TUSC3: variants seen among roughly 807,000 people sequenced by gnomAD.
TUSC3 encodes the protein dolichyl-diphosphooligosaccharide--protein glycosyltransferase subunit TUSC3.
A neutral mutation model predicts 44.8 loss-of-function variants in TUSC3; 45 were observed. That is an observed-to-expected ratio of 1.00 (90% CI 0.79 to 1.29). The LOEUF (loss-of-function observed/expected upper bound fraction) is 1.29, where lower values mean the gene tolerates loss of function less well. Among genes scored for constraint, TUSC3 ranks in the 50% most tolerant of loss-of-function variants. The pLI is 0.00. For missense variants in TUSC3, 519 were observed against 437.9 expected (o/e 1.19, Z -1.65); for synonymous variants, 212 against 152.9 (o/e 1.39, Z -2.85).
intron 6 of TUSC3, among the ~76,000 whole-genome samples, chr8:15,703,566 C>T (rs1246170893): frequency 4.6e-5 from 7 of 152,082 alleles, no homozygotes; most frequent in African/African-American, 1.7e-4. Context: ...TTATTTGGGT[C>T]ACCATTCTGC....
At chr8:15,758,510 A>C (rs1812029554) in intron 10 of TUSC3, among the ~76,000 whole-genome samples, 1 of 152,016 alleles carries the variant, frequency 6.6e-6, no homozygotes, top group African/African-American at 2.4e-5. Context: ...ACCAGAGAAC[A>C]CAGGGTCTAG....
At chr8:15,680,503 T>A (rs761534168) in intron 6 of TUSC3, among the ~76,000 whole-genome samples, 4 of 152,146 alleles carry the variant, frequency 2.6e-5, no homozygotes, top group Non-Finnish European at 5.9e-5. Context: ...GTATTTAGGG[T>A]TTTCTAGATA....
the TUSC3 span, among the ~76,000 whole-genome samples, chr8:15,797,203 A>T: frequency 6.6e-6 from 1 of 152,234 alleles, no homozygotes; most frequent in Non-Finnish European, 1.5e-5. Context: ...CAGTTCGCTG[A>T]ACAGCTTTCA....
At chr8:15,666,208 C>T (rs561183684) in intron 5 of TUSC3, among the ~76,000 whole-genome samples, 6 of 151,272 alleles carry the variant, frequency 4.0e-5, no homozygotes, top group African/African-American at 1.4e-4. Flanking sequence ...TCATTTCAAG[C>T]CAGAAAATAT....
intron 2 of TUSC3, among the ~76,000 whole-genome samples, chr8:15,646,062 A>C (rs919932323): frequency 6.6e-6 from 1 of 152,170 alleles, no homozygotes; most frequent in African/African-American, 2.4e-5. Flanking sequence ...ATATGTAATA[A>C]GAACAGCTAT....
chr8:15,525,230 A>G (rs907069963), intron 2 of TUSC3, among the ~76,000 whole-genome samples: 1 of 152,124 alleles, frequency 6.6e-6, no homozygotes, highest in African/African-American at 2.4e-5. Context: ...TCTATACCTA[A>G]GTAAAACTGT....
chr8:15,687,291 T>C (rs542820878), intron 6 of TUSC3, among the ~76,000 whole-genome samples: 1 of 152,280 alleles, frequency 6.6e-6, no homozygotes, highest in Non-Finnish European at 1.5e-5. Context: ...ATACATAATA[T>C]GATATCGGTT....
chr8:15,647,976 G>T (rs1806705825), intron 2 of TUSC3, among the ~76,000 whole-genome samples: 1 of 152,072 alleles, frequency 6.6e-6, no homozygotes, highest in African/African-American at 2.4e-5. Context: ...ATCTCTCCAG[G>T]TTGTTCTTTT....
chr8:15,667,672 A>C (rs354522), intron 5 of TUSC3, among the ~76,000 whole-genome samples: 2 of 151,600 alleles, frequency 1.3e-5, no homozygotes, highest in African/African-American at 2.4e-5. Context: ...CGTGGTCTTA[A>C]TTAAATTTTG....
intron 2 of TUSC3, among the ~76,000 whole-genome samples, 189 bp from the exon 3 acceptor site, chr8:15,650,508 A>G (rs1470907016): frequency 6.6e-6 from 1 of 152,184 alleles, no homozygotes; most frequent in Non-Finnish European, 1.5e-5. Context: ...GAACATCAGA[A>G]TTTGAATTTT....
the TUSC3 span, among the ~76,000 whole-genome samples, chr8:15,779,940 C>A: frequency 5.9e-5 from 9 of 152,284 alleles, no homozygotes; most frequent in Admixed American, 1.3e-4. Flanking sequence ...ACAAAACGAG[C>A]GGTCTTTCTC....
intron 4 of TUSC3, among the ~76,000 whole-genome samples, chr8:15,660,007 C>G (rs1807348802): frequency 6.6e-6 from 1 of 151,902 alleles, no homozygotes; most frequent in African/African-American, 2.4e-5. Flanking sequence ...AAGGTTAATA[C>G]CCACCTTAAA....
chr8:15,755,387 T>A (rs1208078561), intron 9 of TUSC3, among the ~76,000 whole-genome samples: 19 of 152,194 alleles, frequency 1.2e-4, no homozygotes, highest in Non-Finnish European at 2.9e-5. Flanking sequence ...TATAAATATT[T>A]AAATTCATTT....
chr8:15,828,340 CT>C, the TUSC3 span, among the ~76,000 whole-genome samples: 1 of 152,062 alleles, frequency 6.6e-6, no homozygotes, highest in Non-Finnish European at 1.5e-5. Flanking sequence ...TTTTATAAAC[CT>C]AGTTTTATAT....
intron 1 of TUSC3, among the ~76,000 whole-genome samples, chr8:15,448,100 T>C (rs2129119759): frequency 8.7e-6 from 1 of 115,184 alleles, no homozygotes; most frequent in African/African-American, 3.7e-5. Context: ...TGTATGGTAG[T>C]GTATATACAT....
At chr8:15,659,379 C>A in intron 3 of TUSC3, 128 bp from the exon 4 acceptor site, 1 of 1,160,590 alleles carries the variant, frequency 8.6e-7, no homozygotes, top group Non-Finnish European at 1.2e-6. Context: ...CAGAAATTTA[C>A]CTCTGGAAAA....
intron 5 of TUSC3, among the ~76,000 whole-genome samples, chr8:15,666,136 GTA>G (rs1438587089): frequency 6.6e-6 from 1 of 151,406 alleles, no homozygotes; most frequent in Non-Finnish European, 1.5e-5. Flanking sequence ...AGTTAAAATT[GTA>G]TGTTTTGTAG....
At chr8:15,760,774 C>T (rs928363616) in intron 10 of TUSC3, among the ~76,000 whole-genome samples, 4 of 152,166 alleles carry the variant, frequency 2.6e-5, no homozygotes, top group Admixed American at 6.6e-5. Flanking sequence ...AACCTTCTGG[C>T]TCTTTACAGA....
intron 3 of TUSC3, among the ~76,000 whole-genome samples, chr8:15,656,396 T>C (rs1246015990): frequency 1.3e-5 from 2 of 152,152 alleles, no homozygotes; most frequent in Admixed American, 6.5e-5. Context: ...AGAACAGGCA[T>C]TGAATAGACA....
Sources: gnomAD v4.1 joint callset for allele counts (sites outside exome capture counted in the v4.1 genomes callset) on GRCh38, gnomAD v4.1.1 for gene constraint, MANE v1.5 for transcripts, NCBI Gene and HGNC (gene_info 2026-07-23, HGNC 2026-07-21) for gene names.